The following ELOVL7 variants were observed in gnomAD, a reference collection of about 807,000 sequenced individuals.
ELOVL7 encodes the protein very long chain fatty acid elongase 7.
ELOVL7 carries 27 observed loss-of-function variants against 35.7 expected under a neutral mutation model. The observed-to-expected ratio is 0.76, with a 90% CI of 0.56 to 1.04. ELOVL7 has a LOEUF of 1.04. ELOVL7 is among the 50% of genes least tolerant of loss of function. ELOVL7 has a pLI of 0.00. For synonymous variants in ELOVL7, 113 were observed against 114.6 expected (o/e 0.99, Z 0.09); for missense variants, 327 against 340.8 (o/e 0.96, Z 0.32).
intron 1 of ELOVL7, among the ~76,000 whole-genome samples, chr5:60,838,699 A>G (rs1249074065): frequency 1.3e-5 from 2 of 152,180 alleles, no homozygotes; most frequent in South Asian, 2.1e-4. Context: ...GCTATGTGGA[A>G]ACTTATCTCA....
intron 1 of ELOVL7, among the ~76,000 whole-genome samples, chr5:60,831,421 C>T (rs1260456534): frequency 6.6e-6 from 1 of 152,174 alleles, no homozygotes; most frequent in Admixed American, 6.5e-5. Flanking sequence ...TACATGTATA[C>T]ACAAATGTGA....
In ELOVL7 at chr5:60,767,801, G is replaced by A. The variant is rs201538282; in HGVS notation, c.336+22C>T. On this transcript the variant is annotated intron_variant, in intron 5 of 8. Coordinates refer to ENST00000508821, the MANE Select transcript of ELOVL7 (RefSeq NM_024930.3). The stretch of plus-strand genomic sequence containing the variant: ...TTTTAACATTGATTTTGAATTTCAA[G>A]TTTTTCCAAAGAGAAACTTACCCTC... 52 of 1,595,402 alleles carry A rather than the reference G, an allele frequency of 3.3e-5. No homozygotes were observed. The Admixed American group carries it at 6.7e-4, about 21-fold the overall frequency.
intron 1 of ELOVL7, among the ~76,000 whole-genome samples, chr5:60,801,742 G>A (rs914316790): frequency 5.9e-5 from 9 of 151,648 alleles, no homozygotes; most frequent in African/African-American, 1.9e-4. Flanking sequence ...AGAACAAAGC[G>A]AGCAGAAGGA....
At chr5:60,814,387 T>C (rs1745403803) in intron 1 of ELOVL7, among the ~76,000 whole-genome samples, 1 of 152,082 alleles carries the variant, frequency 6.6e-6, no homozygotes, top group Non-Finnish European at 1.5e-5. Flanking sequence ...ATTGCAGAGT[T>C]TTCTTGAAAC....
At chr5:60,765,481 T>C (rs1331400862) in intron 6 of ELOVL7, among the ~76,000 whole-genome samples, 3 of 152,184 alleles carry the variant, frequency 2.0e-5, no homozygotes, top group Non-Finnish European at 2.9e-5. Flanking sequence ...TTGTCGTCGT[T>C]GTTTTCCCTA....
intron 3 of ELOVL7, among the ~76,000 whole-genome samples, chr5:60,784,385 CTT>C (rs759715153): frequency 6.6e-6 from 1 of 152,158 alleles, no homozygotes; most frequent in Non-Finnish European, 1.5e-5. Flanking sequence ...ACATTAAAAA[CTT>C]TTTCATTTCT....
chr5:60,840,128 G>T (rs972964385), intron 1 of ELOVL7, among the ~76,000 whole-genome samples: 2 of 152,180 alleles, frequency 1.3e-5, no homozygotes, highest in African/African-American at 4.8e-5. Flanking sequence ...ATTATTTGCA[G>T]ATAGGCGCTT....
At position 60,754,749 on chromosome 5, in the gene ELOVL7, T is replaced by A; in HGVS notation, c.721A>T (p.Ile241Phe). ...CKYQFPVFAC[I>F]IMSYSFMFLL... ...AACATGAAACTGTAACTCATAATGA[T>A]GCACGCAAAGACTGGAAACTGATAC... The change falls in exon 9 of 9, where the codon ATC becomes TTC. Residue 241 changes from isoleucine (I) to phenylalanine (F), a missense_variant. Ile to Phe is a conservative substitution (Grantham distance 21). Coordinates refer to ENST00000508821, the MANE Select transcript of ELOVL7 (RefSeq NM_024930.3). 1 of 1,614,092 alleles carries A rather than the reference T, an allele frequency of 6.2e-7. No individual in the cohort carries two copies. Among genetic ancestry groups the A allele is most frequent in the Non-Finnish European group, 8.5e-7 (1 of 1,180,014 alleles).
At chr5:60,841,784 A>G (rs1188052243) in intron 1 of ELOVL7, among the ~76,000 whole-genome samples, 1 of 152,120 alleles carries the variant, frequency 6.6e-6, no homozygotes, top group Admixed American at 6.6e-5. Flanking sequence ...TGTTTTGTCA[A>G]GATAAGGATA....
intron 4 of ELOVL7, among the ~76,000 whole-genome samples, chr5:60,771,559 G>C (rs928578659): frequency 6.6e-6 from 1 of 152,016 alleles, no homozygotes; most frequent in African/African-American, 2.4e-5. Context: ...GACAGACCTG[G>C]GTTCAAATAT....
intron 3 of ELOVL7, chr5:60,784,279 A>G: frequency 1.9e-6 from 1 of 527,998 alleles, no homozygotes; most frequent in East Asian, 2.8e-5. Context: ...AATGGCAGCA[A>G]TCTTACTCAT....
intron 3 of ELOVL7, among the ~76,000 whole-genome samples, chr5:60,784,753 G>C (rs1471093139): frequency 1.3e-5 from 2 of 152,128 alleles, no homozygotes; most frequent in African/African-American, 4.8e-5. Context: ...ACTACACTAA[G>C]TAGAAGGAAA....
At chr5:60,769,637 A>C (rs1742453517) in intron 4 of ELOVL7, among the ~76,000 whole-genome samples, 1 of 152,378 alleles carries the variant, frequency 6.6e-6, no homozygotes, top group South Asian at 2.1e-4. Flanking sequence ...TGCCATCAAC[A>C]GATGGATGGC....
At chr5:60,837,487 C>A (rs182651820) in intron 1 of ELOVL7, among the ~76,000 whole-genome samples, 6 of 152,200 alleles carry the variant, frequency 3.9e-5, no homozygotes, top group African/African-American at 1.4e-4. Flanking sequence ...GCAACTATTA[C>A]TTATGCCTAA....
rs773112795 is a variant in ELOVL7, at chr5:60,764,269, T to C, written c.457A>G (p.Ile153Val). 6 of 1,613,836 alleles carry C rather than the reference T, an allele frequency of 3.7e-6. No homozygotes were observed. The highest frequency in any genetic ancestry group is 2.2e-5 in the South Asian group (2 of 91,054). Residue 153 changes from isoleucine to valine, a missense_variant, in exon 7 of 9, where the codon ATC (isoleucine) becomes GTC (valine). Transcript: ENST00000508821. ...VTFLHVFHHT[I>V]MPWTWWFGVK... The stretch of plus-strand genomic sequence containing the variant: ...CCAAACCACCAGGTCCACGGCATGA[T>C]GGTATGATGGAATACATGAAGGAAA...
intron 3 of ELOVL7, among the ~76,000 whole-genome samples, chr5:60,778,173 T>C (rs6874699): frequency 0.59 from 90,255 of 151,954 alleles, 28,021 homozygotes; most frequent in African/African-American, 0.75. Flanking sequence ...TGTCTCGTTG[T>C]TTTGTGCAAT....
Position 60,754,699 on chromosome 5 carries a change from C to T in ELOVL7, c.771G>A (p.Trp257Ter), listed in dbSNP as rs763943204. The T allele has an allele frequency of 1.4e-5, 23 of 1,613,874 alleles. No homozygotes were observed. Among genetic ancestry groups the T allele is most frequent in the Non-Finnish European group, 1.9e-5 (22 of 1,180,006 alleles). Residue 257 changes from tryptophan (W) to a stop codon, truncating the protein, a stop_gained, in exon 9 of 9, where the codon TGG (tryptophan) becomes TGA (stop). Transcript: ENST00000508821. LOFTEE classifies it high-confidence loss of function. ...TCTGACCTTTGGTGTAAGCACGGTACCAAAAATGGAGAAAGAGCAGCAGAA... is the reference window on the plus strand; with the variant it reads ...TCTGACCTTTGGTGTAAGCACGGTATCAAAAATGGAGAAAGAGCAGCAGAA... ...FMFLLLFLHF[W>*]YRAYTKGQRL... is the part of the protein sequence containing the mutation.
At chr5:60,762,998 A>C (rs1695756793) in intron 7 of ELOVL7, among the ~76,000 whole-genome samples, 1 of 152,216 alleles carries the variant, frequency 6.6e-6, no homozygotes, top group Non-Finnish European at 1.5e-5. Flanking sequence ...GAAACACAGA[A>C]AGTAAGGATA....
intron 5 of ELOVL7, among the ~76,000 whole-genome samples, chr5:60,767,452 T>A (rs967148868): frequency 2.6e-5 from 4 of 152,204 alleles, no homozygotes; most frequent in Non-Finnish European, 4.4e-5. Flanking sequence ...TTGGCTGTTA[T>A]AAATAATGCT....
Sources: allele counts gnomAD v4.1 joint callset (sites outside exome capture counted in the v4.1 genomes callset), GRCh38; gene constraint gnomAD v4.1.1; transcripts MANE v1.5; gene names NCBI Gene and HGNC (gene_info 2026-07-23, HGNC 2026-07-21).